The following AP3D1 variants were observed in gnomAD, a reference collection of about 807,000 sequenced individuals.
AP3D1 encodes AP-3 complex subunit delta-1.
Under a neutral mutation model 147.6 loss-of-function variants are expected in AP3D1, and 51 were observed. The ratio of observed to expected loss-of-function variants is 0.35; its 90% confidence interval spans 0.28 to 0.44. AP3D1 has a LOEUF of 0.44. Ranked by LOEUF, AP3D1 falls within the 20% of genes least tolerant of loss-of-function variation. AP3D1 has a pLI of 1.00. For synonymous variants in AP3D1, 760 were observed against 663.0 expected (o/e 1.15, Z -2.25); for missense variants, 1,421 against 1,624.2 (o/e 0.87, Z 2.15).
intron 1 of AP3D1, among the ~76,000 whole-genome samples, chr19:2,146,135 G>A (rs888231026): frequency 1.3e-5 from 2 of 152,136 alleles, no homozygotes; most frequent in African/African-American, 2.4e-5. Context: ...GTAAACAACA[G>A]AGCACAGCCA....
At chr19:2,131,789 C>CCA (rs1568297901) in intron 5 of AP3D1, among the ~76,000 whole-genome samples, 15 of 136,336 alleles carry the variant, frequency 1.1e-4, no homozygotes, top group Non-Finnish European at 2.0e-4. Context: ...CACACGGGGA[C>CCA]CGCGCCCATC....
intron 8 of AP3D1, among the ~76,000 whole-genome samples, chr19:2,127,867 C>T (rs2018801831): frequency 6.6e-6 from 1 of 152,226 alleles, no homozygotes; most frequent in South Asian, 2.1e-4. Context: ...CAGATAATCA[C>T]CATGGAGTCG....
intron 31 of AP3D1, among the ~76,000 whole-genome samples, chr19:2,103,410 C>T (rs1193272732): frequency 6.6e-6 from 1 of 152,134 alleles, no homozygotes; most frequent in African/African-American, 2.4e-5. Flanking sequence ...CACTGTCTGT[C>T]CTTCCGCCCT....
At chr19:2,125,835 GA>G (rs11420028) in intron 9 of AP3D1, among the ~76,000 whole-genome samples, 38 of 145,702 alleles carry the variant, frequency 2.6e-4, no homozygotes, top group Middle Eastern at 7.1e-3. Context: ...AGTAAAGCTA[GA>G]AAAAAAAAAA....
intron 26 of AP3D1, 169 bp from the exon 27 acceptor site, chr19:2,111,065 T>C: frequency 1.1e-6 from 1 of 919,450 alleles, no homozygotes; most frequent in East Asian, 2.6e-5. Context: ...GGCTGCTCTT[T>C]GAGTGCATGG....
chr19:2,153,720 A>C (rs573302406), upstream of AP3D1, among the ~76,000 whole-genome samples: 39 of 151,806 alleles, frequency 2.6e-4, no homozygotes, highest in African/African-American at 9.2e-4. Context: ...TGGTGGCTCC[A>C]TATCTTTGGA....
At chr19:2,138,500 C>T (rs2019134335) in intron 2 of AP3D1, 119 bp downstream of exon 2, 2 of 806,692 alleles carry the variant, frequency 2.5e-6, no homozygotes, top group African/African-American at 3.3e-5. Flanking sequence ...GAGTGGCTCA[C>T]CGACAGCAGG....
Position 2,138,693 on chromosome 19 carries a change from T to G in AP3D1, c.118A>C (p.Ile40Leu), listed in dbSNP as rs748329813. The G allele has an allele frequency of 6.2e-7, 1 of 1,613,246 alleles. No homozygotes were observed. Among genetic ancestry groups the G allele is most frequent in the Non-Finnish European group, 8.5e-7 (1 of 1,179,816 alleles). Residue 40 changes from isoleucine (I) to leucine (L), a missense_variant, in exon 2 of 32, where the codon ATT becomes CTT. Around this residue, in one of 6 missense-constraint regions of AP3D1, gnomAD observed 292 missense variants for 412.0 expected, o/e 0.71. Transcript: ENST00000643116. Reference sequence around the variant, plus strand: ...TTCAGCTCCTGCTTGATCTCATCAATGCACTGAGATATGTATTTTGCCTAT... The same window carrying G: ...TTCAGCTCCTGCTTGATCTCATCAAGGCACTGAGATATGTATTTTGCCTAT... ...EDEAKYISQC[I>L]DEIKQELKQD...
chr19:2,114,365 A>G, intron 21 of AP3D1, 63 bp from the exon 22 acceptor site: 2 of 1,394,498 alleles, frequency 1.4e-6, no homozygotes, highest in South Asian at 1.2e-5. Flanking sequence ...ACCACTCAGT[A>G]CATGCCGTGT....
At chr19:2,142,714 G>A (rs1292716358) in intron 1 of AP3D1, among the ~76,000 whole-genome samples, 3 of 151,980 alleles carry the variant, frequency 2.0e-5, no homozygotes, top group Non-Finnish European at 2.9e-5. Flanking sequence ...AGCAAAGCCC[G>A]GTCCCCCTCA....
intron 25 of AP3D1, 150 bp downstream of exon 25, chr19:2,111,529 C>T (rs1039844408): frequency 2.5e-5 from 31 of 1,243,950 alleles, no homozygotes; most frequent in Admixed American, 9.9e-5. Context: ...TGTGGGGCTG[C>T]GGGCCAGGGC....
chr19:2,130,412 G>T lies in AP3D1; in HGVS notation c.588C>A (p.Asp196Glu), dbSNP rs768237900. The T allele has an allele frequency of 1.2e-5, 19 of 1,613,956 alleles. No individual in the cohort carries two copies. The highest frequency in any genetic ancestry group is 1.6e-4 in the Middle Eastern group (1 of 6,062). Reference protein sequence around the residue: ...PRLKEKLEDPDPGVQSAAVNV... With the variant: ...PRLKEKLEDPEPGVQSAAVNV... ...GCTTAACTCAAATCCACAAACCGGG[G>T]TCGGGGTCCTCCAGCTTCTCCTTCA... Residue 196 changes from aspartate (D) to glutamate (E), a missense_variant, in exon 6 of 32, where the codon GAC becomes GAA. Asp to Glu is a conservative substitution (Grantham distance 45). Transcript: ENST00000643116.
intron 1 of AP3D1, among the ~76,000 whole-genome samples, chr19:2,157,521 T>A (rs2019657481): frequency 7.0e-6 from 1 of 143,778 alleles, no homozygotes; most frequent in African/African-American, 2.6e-5. Context: ...ACCCATACAG[T>A]AACCCATCCA....
chr19:2,129,526 G>A, intron 6 of AP3D1, 69 bp from the exon 7 acceptor site: 1 of 1,535,750 alleles, frequency 6.5e-7, no homozygotes, highest in South Asian at 1.3e-5. Context: ...CTGTCTTCCT[G>A]GCCCGCGAGG....
intron 11 of AP3D1, 125 bp downstream of exon 11, chr19:2,123,233 C>T: frequency 1.0e-6 from 1 of 980,960 alleles, no homozygotes; most frequent in Non-Finnish European, 1.6e-6. Context: ...AGGCAGAGTG[C>T]CATCCATCAG....
chr19:2,108,984 T>G, intron 30 of AP3D1, 102 bp downstream of exon 30: 1 of 1,543,092 alleles, frequency 6.5e-7, no homozygotes, highest in Non-Finnish European at 8.8e-7. Context: ...CCAAAGGGTG[T>G]GAGTTTGGGT....
chr19:2,105,038 A>T (rs1342346280), intron 31 of AP3D1, among the ~76,000 whole-genome samples: 2 of 152,168 alleles, frequency 1.3e-5, no homozygotes, highest in African/African-American at 4.8e-5. Context: ...ATCAGCAAAG[A>T]CATGGAAGAT....
chr19:2,105,448 T>G (rs1599434931), intron 31 of AP3D1, among the ~76,000 whole-genome samples: 1 of 152,258 alleles, frequency 6.6e-6, no homozygotes, highest in African/African-American at 2.4e-5. Flanking sequence ...AGCTGTGTCT[T>G]CAGGGCGTGT....
At chr19:2,128,092 C>T (rs566223962) in intron 8 of AP3D1, among the ~76,000 whole-genome samples, 1 of 152,304 alleles carries the variant, frequency 6.6e-6, no homozygotes, top group East Asian at 1.9e-4. Flanking sequence ...GGCGATGACG[C>T]CTCTGCCTGC....
Sources: allele counts gnomAD v4.1 joint callset (sites outside exome capture counted in the v4.1 genomes callset), GRCh38; gene constraint gnomAD v4.1.1; regional missense constraint gnomAD v4.1.1; transcripts MANE v1.5; gene names NCBI Gene and HGNC (gene_info 2026-07-23, HGNC 2026-07-21).